The following MEGF11 variants were observed in gnomAD, a reference collection of about 807,000 sequenced individuals.
The protein encoded by MEGF11 is multiple epidermal growth factor-like domains protein 11.
Under a neutral mutation model 146.6 loss-of-function variants are expected in MEGF11, and 126 were observed. That is an observed-to-expected ratio of 0.86 (90% confidence interval 0.74 to 1.00). The LOEUF (loss-of-function observed/expected upper bound fraction) is 1.00, where lower values mean the gene tolerates loss of function less well. Ranked by LOEUF, MEGF11 falls within the 50% of genes least tolerant of loss-of-function variation. The probability of loss-of-function intolerance (pLI) is 0.00; values close to 1 mark genes in which losing one functional copy is unlikely to be tolerated. For synonymous variants in MEGF11, 532 were observed against 583.4 expected, an observed-to-expected ratio of 0.91 and a Z score of 1.27; for missense variants, 1,509 against 1,521.2, an observed-to-expected ratio of 0.99 and a Z score of 0.13.
chr15:66,150,322 A>G (rs1357559951), intron 1 of MEGF11, among the ~76,000 whole-genome samples: 1 of 152,266 alleles, frequency 6.6e-6, no homozygotes, highest in African/African-American at 2.4e-5. Context: ...ATATTGTGCT[A>G]TTCCTCAGAA....
At chr15:65,965,653 G>A (rs1477241422) in intron 8 of MEGF11, among the ~76,000 whole-genome samples, 1 of 109,024 alleles carries the variant, frequency 9.2e-6, no homozygotes, top group African/African-American at 3.5e-5. Flanking sequence ...TTCGCCCTCT[G>A]AGGATGCAGG....
intron 1 of MEGF11, among the ~76,000 whole-genome samples, chr15:66,229,559 C>A (rs2091922255): frequency 6.6e-6 from 1 of 152,214 alleles, no homozygotes. Flanking sequence ...GTTTGTTCCC[C>A]TACAAGTTAC....
At chr15:66,067,025 G>C (rs904065730) in intron 5 of MEGF11, among the ~76,000 whole-genome samples, 1 of 152,118 alleles carries the variant, frequency 6.6e-6, no homozygotes, top group South Asian at 2.1e-4. Context: ...TCTGGGCTTC[G>C]GTTTTCTCAT....
chr15:66,232,595 C>A (rs1377103326), intron 1 of MEGF11, among the ~76,000 whole-genome samples: 1 of 152,198 alleles, frequency 6.6e-6, no homozygotes, highest in Non-Finnish European at 1.5e-5. Context: ...TCCCAGCTGG[C>A]ACTCCAGAAC....
intron 24 of MEGF11, chr15:65,901,880 C>A (rs1187515750): frequency 6.6e-6 from 1 of 152,144 alleles, no homozygotes; most frequent in African/African-American, 2.4e-5. Context: ...GAATCTGAAG[C>A]TCAGAAAATT....
chr15:66,178,848 G>A (rs1419319660), intron 1 of MEGF11, among the ~76,000 whole-genome samples: 4 of 152,090 alleles, frequency 2.6e-5, no homozygotes, highest in Non-Finnish European at 5.9e-5. Flanking sequence ...TCGGAAAAAA[G>A]GTCATTAACA....
At chr15:66,055,717 C>A (rs1208514383) in intron 5 of MEGF11, among the ~76,000 whole-genome samples, 1 of 152,222 alleles carries the variant, frequency 6.6e-6, no homozygotes, top group African/African-American at 2.4e-5. Flanking sequence ...AAGGGACCAA[C>A]TTGTTGTTCA....
At chr15:66,159,738 C>G (rs941499858) in intron 1 of MEGF11, among the ~76,000 whole-genome samples, 1 of 152,018 alleles carries the variant, frequency 6.6e-6, no homozygotes, top group Non-Finnish European at 1.5e-5. Context: ...TTCTGGGGAC[C>G]TTTTGGGGAA....
chr15:66,243,071 G>A (rs569601291), intron 1 of MEGF11, among the ~76,000 whole-genome samples: 167 of 152,254 alleles, frequency 1.1e-3, no homozygotes, highest in African/African-American at 3.9e-3. Context: ...AAAGAAATGT[G>A]CTTCTCAGAG....
At chr15:66,073,155 C>T (rs567221905) in intron 5 of MEGF11, among the ~76,000 whole-genome samples, 14 of 152,340 alleles carry the variant, frequency 9.2e-5, no homozygotes, top group African/African-American at 3.1e-4. Context: ...CCCACCTCCG[C>T]CTCGCCAGCC....
At chr15:65,909,937 G>A in intron 21 of MEGF11, 131 bp from the exon 22 acceptor site, 4 of 779,778 alleles carry the variant, frequency 5.1e-6, no homozygotes, top group Non-Finnish European at 8.8e-6. Flanking sequence ...GCCGTTGAGA[G>A]AAAGGGCGAG....
chr15:66,075,996 G>A (rs535806353), intron 5 of MEGF11, among the ~76,000 whole-genome samples: 5 of 147,658 alleles, frequency 3.4e-5, no homozygotes, highest in African/African-American at 1.3e-4. Context: ...CCATATGCCC[G>A]GAACCTAGCA....
intron 5 of MEGF11, among the ~76,000 whole-genome samples, chr15:66,067,488 A>G (rs774467836): frequency 3.9e-5 from 6 of 152,188 alleles, no homozygotes; most frequent in Non-Finnish European, 5.9e-5. Flanking sequence ...CTGTTTTTGG[A>G]TCATAAAATG....
rs561071931 is a variant in MEGF11 at position 66,164,491 on chromosome 15, T to C, written c.-8-36080A>G. 3.3e-5 allele frequency among the ~76,000 whole-genome samples: 5 copies of C among 152,314 alleles called. No homozygotes were observed. The South Asian group carries it at 1.0e-3, about 32-fold the overall frequency. On this transcript the variant is annotated intron_variant, in intron 1 of 25. Coordinates refer to ENST00000395614, the MANE Select transcript of MEGF11 (RefSeq NM_001385028.1). ...TTCATCCCTGACTTGCCATGGACCC[T>C]GGGCAAGTGCATTACTTCTCTGAGC...
At chr15:65,913,643 T>C in intron 20 of MEGF11, 94 bp downstream of exon 20, 1 of 1,121,856 alleles carries the variant, frequency 8.9e-7, no homozygotes, top group Non-Finnish European at 1.3e-6. Context: ...AGCTTCCACA[T>C]TCAGCCACAG....
At chr15:66,005,933 G>A (rs972750861) in intron 5 of MEGF11, among the ~76,000 whole-genome samples, 4 of 152,196 alleles carry the variant, frequency 2.6e-5, no homozygotes, top group Non-Finnish European at 4.4e-5. Context: ...CCAACCCTCA[G>A]TTTTCTCTAG....
rs1230696043 is a variant in MEGF11 at position 65,917,966 on chromosome 15, C to T, written c.2086G>A (p.Ala696Thr). 1.2e-6 allele frequency: 2 copies of T among 1,613,844 alleles called. No individual in the cohort carries two copies. Among genetic ancestry groups the T allele is most frequent in the Non-Finnish European group, 1.7e-6 (2 of 1,179,888 alleles). The stretch of plus-strand genomic sequence containing the variant: ...GCATTCCCAGGTGGCAGCAGCTTAC[C>T]CTGTGAGCAGTCCTTGCCAATCCAT... ...PGWIGKDCSQACPPGFWGPAC... is the reference protein window; with the variant it reads ...PGWIGKDCSQTCPPGFWGPAC... The change falls in exon 16 of 26, where the codon GCT becomes ACT. Residue 696 changes from alanine to threonine, a missense_variant and splice_region_variant. By Grantham distance (58) the Ala-to-Thr change is moderately conservative. Coordinates refer to ENST00000395614, the MANE Select transcript of MEGF11 (RefSeq NM_001385028.1).
In MEGF11 at chr15:65,909,060, C is replaced by G; in HGVS notation, c.2972G>C (p.Ser991Thr). Residue 991 changes from serine (S) to threonine (T), a missense_variant, in exon 23 of 26, where the codon AGC becomes ACC. By Grantham distance (58) the Ser-to-Thr change is moderately conservative (BLOSUM62 1). Transcript: ENST00000395614. Reference protein sequence around the residue: ...EDFYIELRHLSRPAEPHSPGA... With the variant: ...EDFYIELRHLTRPAEPHSPGA... ...TGGTGAGTGTGGCTCAGCGGGGCGGCTGAGGTGTCTAAGTTCAATGTAGAA... is the reference window on the plus strand; with the variant it reads ...TGGTGAGTGTGGCTCAGCGGGGCGGGTGAGGTGTCTAAGTTCAATGTAGAA... The G allele has an allele frequency of 6.5e-7, 1 of 1,535,590 alleles. No homozygotes were observed. The highest frequency in any genetic ancestry group is 8.7e-7 in the Non-Finnish European group (1 of 1,146,676).
At chr15:65,955,797 C>CGT (rs1567175165) in intron 10 of MEGF11, among the ~76,000 whole-genome samples, 150 of 6,046 alleles carry the variant, frequency 0.025, 6 homozygotes, top group Non-Finnish European at 0.074. Context: ...TATATATACA[C>CGT]ACACACACAC....
Sources: allele counts gnomAD v4.1 joint callset (sites outside exome capture counted in the v4.1 genomes callset), GRCh38; gene constraint gnomAD v4.1.1; transcripts MANE v1.5; gene names NCBI Gene and HGNC (gene_info 2026-07-23, HGNC 2026-07-21).